The following TRIO variants were observed in gnomAD, a reference collection of about 807,000 sequenced individuals.
The protein encoded by TRIO is triple functional domain protein.
Under a neutral mutation model 351.9 loss-of-function variants are expected in TRIO, and 58 were observed. The ratio of observed to expected loss-of-function variants is 0.16; its 90% CI spans 0.13 to 0.21. TRIO has a LOEUF of 0.21. Ranked by LOEUF, TRIO falls within the 10% of genes least tolerant of loss-of-function variation. The pLI, the probability that TRIO is intolerant of heterozygous loss-of-function variation, is 1.00. For missense variants in TRIO, 3,201 were observed against 4,027.8 expected, an observed-to-expected ratio of 0.79 and a Z score of 5.56; for synonymous variants, 1,758 against 1,595.7, an observed-to-expected ratio of 1.10 and a Z score of -2.42.
chr5:14,487,571 AGTG>A lies in TRIO; in HGVS notation c.6945_6947del (p.Gly2317del). ...GGGCAGCGGCGGCGGCGGGGCCCCC[AGTG>A]GCGGCAGCGGCCACAGTGGCGGCCC... On this transcript the variant is annotated inframe_deletion, in exon 48 of 57. Transcript: ENST00000344204. 8.9e-7 allele frequency: 1 copy of A among 1,124,570 alleles called. No homozygotes were observed. Among genetic ancestry groups the A allele is most frequent in the Admixed American group, 5.1e-5 (1 of 19,470 alleles). The allele number at this position is 1,124,570 out of a possible 1,614,324, so 69.7% of individuals were successfully genotyped here.
At chr5:14,152,084 A>G (rs1022176443) in intron 1 of TRIO, among the ~76,000 whole-genome samples, 1 of 152,228 alleles carries the variant, frequency 6.6e-6, no homozygotes, top group Non-Finnish European at 1.5e-5. Context: ...GCTTCACACA[A>G]TAAAATCTCT....
chr5:14,396,896 A>T (rs1157520860), intron 28 of TRIO, 147 bp from the exon 29 acceptor site: 2 of 641,702 alleles, frequency 3.1e-6, no homozygotes, highest in Non-Finnish European at 2.7e-6. Flanking sequence ...AAGAGGTAGT[A>T]GTTTATTTCT....
chr5:14,438,560 G>A (rs1468674624), intron 34 of TRIO, among the ~76,000 whole-genome samples: 1 of 152,152 alleles, frequency 6.6e-6, no homozygotes, highest in Non-Finnish European at 1.5e-5. Flanking sequence ...TTGAACCAGG[G>A]TTTCTTCCCA....
At chr5:14,463,415 C>T (rs1490831844) in intron 36 of TRIO, among the ~76,000 whole-genome samples, 11 of 152,198 alleles carry the variant, frequency 7.2e-5, no homozygotes, top group Admixed American at 4.6e-4. Context: ...AGGATCCCTA[C>T]GCTAGAGTGC....
At chr5:14,203,587 A>G (rs1313448132) in intron 1 of TRIO, among the ~76,000 whole-genome samples, 7 of 152,250 alleles carry the variant, frequency 4.6e-5, no homozygotes, top group Admixed American at 4.6e-4. Flanking sequence ...ATATTGTTAG[A>G]ATAAAAAGTA....
chr5:14,303,518 A>G (rs1312313), intron 7 of TRIO, among the ~76,000 whole-genome samples: 17 of 140,082 alleles, frequency 1.2e-4, no homozygotes, highest in South Asian at 2.4e-4. Flanking sequence ...AGATTGAGCC[A>G]GGATTGGGAT....
At chr5:14,311,576 C>T (rs964071932) in intron 8 of TRIO, among the ~76,000 whole-genome samples, 1 of 152,262 alleles carries the variant, frequency 6.6e-6, no homozygotes, top group South Asian at 2.1e-4. Flanking sequence ...CAGAAGGGTT[C>T]GATTGTTTGG....
At chr5:14,342,250 T>C (rs1253677935) in intron 11 of TRIO, among the ~76,000 whole-genome samples, 1 of 152,250 alleles carries the variant, frequency 6.6e-6, no homozygotes, top group African/African-American at 2.4e-5. Flanking sequence ...TCACCGAGTT[T>C]GCTCCAGGAG....
At chr5:14,305,475 C>A (rs539616332) in intron 8 of TRIO, among the ~76,000 whole-genome samples, 1 of 152,334 alleles carries the variant, frequency 6.6e-6, no homozygotes, top group South Asian at 2.1e-4. Context: ...GAGTAAGAAG[C>A]ATCTATATCT....
At chr5:14,447,814 T>C (rs989950794) in intron 34 of TRIO, among the ~76,000 whole-genome samples, 3 of 152,266 alleles carry the variant, frequency 2.0e-5, no homozygotes, top group African/African-American at 7.2e-5. Flanking sequence ...TGTCAAGAAC[T>C]ATTATGCCCA....
At chr5:14,380,288 C>T (rs968629530) in intron 20 of TRIO, among the ~76,000 whole-genome samples, 3 of 115,822 alleles carry the variant, frequency 2.6e-5, no homozygotes, top group Non-Finnish European at 4.9e-5. Context: ...CTTCGCGCCC[C>T]GCCTCCTCCT....
At chr5:14,324,614 A>C (rs1740201605) in intron 9 of TRIO, among the ~76,000 whole-genome samples, 1 of 152,218 alleles carries the variant, frequency 6.6e-6, no homozygotes, top group Non-Finnish European at 1.5e-5. Flanking sequence ...CTGAAGTGGA[A>C]TGTAGTGAGC....
intron 11 of TRIO, among the ~76,000 whole-genome samples, chr5:14,353,212 G>C (rs536957592): frequency 1.3e-5 from 2 of 151,610 alleles, no homozygotes; most frequent in Admixed American, 6.6e-5. Context: ...AGTAACAGTG[G>C]CTAGCATTTA....
chr5:14,255,880 G>A (rs1487757336), intron 1 of TRIO, among the ~76,000 whole-genome samples: 2 of 152,264 alleles, frequency 1.3e-5, no homozygotes, highest in Non-Finnish European at 2.9e-5. Flanking sequence ...GATTAGAGGT[G>A]TTCAGCCTGT....
chr5:14,450,617 A>G (rs1313002852), intron 34 of TRIO, among the ~76,000 whole-genome samples: 2 of 152,238 alleles, frequency 1.3e-5, no homozygotes, highest in African/African-American at 2.4e-5. Flanking sequence ...AAGCAAAGAC[A>G]GAGTTCATAT....
chr5:14,308,077 C>T (rs1441525297), intron 8 of TRIO, among the ~76,000 whole-genome samples: 1 of 152,162 alleles, frequency 6.6e-6, no homozygotes, highest in East Asian at 1.9e-4. Context: ...GATCACTCGT[C>T]TCACTAAGTG....
intron 9 of TRIO, among the ~76,000 whole-genome samples, chr5:14,324,333 T>C (rs190622646): frequency 1.4e-3 from 216 of 152,364 alleles, no homozygotes; most frequent in African/African-American, 4.8e-3. Flanking sequence ...CATTTTTGTG[T>C]GCGTAAGATG....
intron 8 of TRIO, among the ~76,000 whole-genome samples, chr5:14,308,399 CCCATCCAT>C (rs1239215159): frequency 7.1e-6 from 1 of 140,760 alleles, no homozygotes; most frequent in Non-Finnish European, 1.5e-5. Context: ...CATTCAGTCA[CCCATCCAT>C]CCATCCATCC....
At chr5:14,507,327 G>A in intron 56 of TRIO, 67 bp downstream of exon 56, 2 of 1,587,412 alleles carry the variant, frequency 1.3e-6, no homozygotes, top group Middle Eastern at 2.3e-4. Flanking sequence ...GGGACACAGA[G>A]CCCCCTCTGA....
Sources: gnomAD v4.1 joint callset for allele counts (sites outside exome capture counted in the v4.1 genomes callset) on GRCh38, gnomAD v4.1.1 for gene constraint, MANE v1.5 for transcripts, NCBI Gene and HGNC (gene_info 2026-07-23, HGNC 2026-07-21) for gene names.